Variants in NFIB observed in about 807,000 individuals in gnomAD.
NFIB encodes the protein nuclear factor I B.
A neutral mutation model predicts 61.5 loss-of-function variants in NFIB; 11 were observed. The ratio of observed to expected loss-of-function variants is 0.18; its 90% CI spans 0.11 to 0.30. The LOEUF (loss-of-function observed/expected upper bound fraction) is 0.30, where lower values mean the gene tolerates loss of function less well. Among genes scored for constraint, NFIB ranks in the 10% least tolerant of loss-of-function variants. NFIB has a pLI of 1.00. For missense variants in NFIB, 471 were observed against 608.9 expected (o/e 0.77, Z 2.38); for synonymous variants, 260 against 216.5 (o/e 1.20, Z -1.76).
chr9:14,294,985 G>C lies in NFIB; in HGVS notation c.562+12004C>G, dbSNP rs535697848. ...ATGGACACAACCAACCAGAGCTACTGAAGTCAAACACGGTGATCCCAAATC... is the reference window on the plus strand; with the variant it reads ...ATGGACACAACCAACCAGAGCTACTCAAGTCAAACACGGTGATCCCAAATC... On this transcript the variant is annotated intron_variant, in intron 2 of 10. Coordinates refer to ENST00000380953, the MANE Select transcript of NFIB (RefSeq NM_001190737.2). Among the ~76,000 whole-genome samples the C allele has an allele frequency of 2.0e-5, 3 of 152,304 alleles. No homozygotes were observed. The East Asian group carries it at 5.8e-4, about 29-fold the overall frequency.
rs2032076015 is a variant in NFIB, at chr9:14,082,325, T to C, written c.*5984A>G. Reference sequence around the variant, plus strand: ...GTGTAGCTAGCAAGCAATAACTGACTACTCGTCACCTACAGTTGTACTAAA... The same window carrying C: ...GTGTAGCTAGCAAGCAATAACTGACCACTCGTCACCTACAGTTGTACTAAA... On this transcript the variant is annotated 3_prime_UTR_variant, in exon 11 of 11. Coordinates refer to ENST00000380953, the MANE Select transcript of NFIB (RefSeq NM_001190737.2). The C allele has an allele frequency of 4.9e-6, 1 of 205,416 alleles. No individual in the cohort carries two copies. The highest frequency in any genetic ancestry group is 1.0e-5 in the Non-Finnish European group (1 of 100,188). 12.7% of individuals were successfully genotyped at this position (205,416 alleles called of 1,614,324 possible).
At chr9:14,296,488 C>T (rs904983168) in intron 2 of NFIB, among the ~76,000 whole-genome samples, 1 of 152,226 alleles carries the variant, frequency 6.6e-6, no homozygotes, top group Non-Finnish European at 1.5e-5. Context: ...GAAATCCTAA[C>T]CCCCAATCTG....
Position 14,287,802 on chromosome 9 carries a change from C to G in NFIB, c.562+19187G>C, listed in dbSNP as rs147318072. ...TGGAAGAGGCATCATTTACAGAGAA[C>G]AAAATATTTAAAGCTGGGTGTTATT... On this transcript the variant is annotated intron_variant, in intron 2 of 10. Transcript: ENST00000380953. Among the ~76,000 whole-genome samples, 149 of 152,112 alleles carry G rather than the reference C, an allele frequency of 9.8e-4. 1 individual carries two copies. Among genetic ancestry groups the G allele is most frequent in the African/African-American group, 3.4e-3 (143 of 41,544 alleles).
chr9:14,289,646 C>G (rs1384659317), intron 2 of NFIB, among the ~76,000 whole-genome samples: 1 of 151,688 alleles, frequency 6.6e-6, no homozygotes, highest in African/African-American at 2.4e-5. Flanking sequence ...CATATGCACA[C>G]TTTGAAAAAA....
intron 2 of NFIB, among the ~76,000 whole-genome samples, chr9:14,304,903 G>A (rs1288470852): frequency 4.6e-5 from 7 of 152,202 alleles, no homozygotes; most frequent in African/African-American, 1.7e-4. Flanking sequence ...AAAGCATCCT[G>A]ACGTGAGTTT....
At chr9:14,111,187 T>G (rs1422907676) in intron 10 of NFIB, among the ~76,000 whole-genome samples, 3 of 152,184 alleles carry the variant, frequency 2.0e-5, no homozygotes. Context: ...CTATCTACAT[T>G]AAAATTCATA....
intron 2 of NFIB, among the ~76,000 whole-genome samples, chr9:14,238,002 T>C (rs143728339): frequency 1.3e-5 from 2 of 151,938 alleles, no homozygotes; most frequent in East Asian, 3.9e-4. Flanking sequence ...AACAAATGAA[T>C]ATGAAATATG....
At chr9:14,392,277 A>G (rs183067125) in intron 1 of NFIB, among the ~76,000 whole-genome samples, 354 of 152,338 alleles carry the variant, frequency 2.3e-3, no homozygotes, top group Non-Finnish European at 2.5e-3. Context: ...GATGGACTTC[A>G]GGTGATCATT....
intron 2 of NFIB, among the ~76,000 whole-genome samples, chr9:14,228,518 C>A (rs1480137357): frequency 2.0e-5 from 3 of 152,164 alleles, no homozygotes; most frequent in African/African-American, 7.2e-5. Context: ...CTAAACTATA[C>A]AATGTTCCAC....
At chr9:14,457,186 C>A in the NFIB span, among the ~76,000 whole-genome samples, 1 of 152,076 alleles carries the variant, frequency 6.6e-6, no homozygotes, top group Non-Finnish European at 1.5e-5. Flanking sequence ...ATATTAGGAG[C>A]TAATAACATT....
At chr9:14,173,275 T>A (rs1486674237) in intron 3 of NFIB, among the ~76,000 whole-genome samples, 1 of 152,136 alleles carries the variant, frequency 6.6e-6, no homozygotes, top group Non-Finnish European at 1.5e-5. Context: ...TTATAATCAT[T>A]CAAGGGAAAA....
intron 1 of NFIB, among the ~76,000 whole-genome samples, chr9:14,312,725 C>T (rs10961473): frequency 0.65 from 99,070 of 151,890 alleles, 32,443 homozygotes; most frequent in South Asian, 0.75. Flanking sequence ...GACCTTACTT[C>T]TACCAGCATT....
chr9:14,168,332 G>A (rs759569425), intron 3 of NFIB, among the ~76,000 whole-genome samples: 14 of 152,296 alleles, frequency 9.2e-5, no homozygotes, highest in Non-Finnish European at 1.3e-4. Flanking sequence ...ATTAAGGGGA[G>A]TAGATGCGAA....
chr9:14,524,730 T>C, the NFIB span, among the ~76,000 whole-genome samples: 2 of 152,220 alleles, frequency 1.3e-5, no homozygotes, highest in African/African-American at 2.4e-5. Context: ...AATTTGCAGA[T>C]AGCATCATAC....
At chr9:14,167,269 G>T (rs1028511557) in intron 3 of NFIB, among the ~76,000 whole-genome samples, 1 of 152,172 alleles carries the variant, frequency 6.6e-6, no homozygotes, top group Admixed American at 6.5e-5. Flanking sequence ...CTGGCTGGGT[G>T]TGGTGGCTCA....
intron 6 of NFIB, among the ~76,000 whole-genome samples, chr9:14,139,322 A>G (rs2041430393): frequency 6.6e-6 from 1 of 152,200 alleles, no homozygotes; most frequent in African/African-American, 2.4e-5. Context: ...CTTATTGTAT[A>G]TGATATTGGG....
At chr9:14,159,812 C>G (rs2043936015) in intron 3 of NFIB, among the ~76,000 whole-genome samples, 1 of 152,194 alleles carries the variant, frequency 6.6e-6, no homozygotes, top group Admixed American at 6.5e-5. Context: ...AGCAAAATGT[C>G]AGGTTATCTG....
intron 7 of NFIB, 139 bp downstream of exon 7, chr9:14,125,493 A>T: frequency 8.3e-7 from 1 of 1,204,988 alleles, no homozygotes; most frequent in East Asian, 2.4e-5. Context: ...AAAATACTTG[A>T]TCGGATTGTG....
intron 7 of NFIB, among the ~76,000 whole-genome samples, chr9:14,124,770 T>C (rs1250632875): frequency 1.4e-4 from 21 of 152,184 alleles, no homozygotes; most frequent in Non-Finnish European, 2.9e-5. Context: ...AAATGTCAAA[T>C]ATTGGATTCA....
Sources: gnomAD v4.1 joint callset for allele counts (sites outside exome capture counted in the v4.1 genomes callset) on GRCh38, gnomAD v4.1.1 for gene constraint, MANE v1.5 for transcripts, NCBI Gene and HGNC (gene_info 2026-07-23, HGNC 2026-07-21) for gene names.